The following YTHDF3 variants were observed in gnomAD, a reference collection of about 807,000 sequenced individuals.
YTHDF3 encodes YTH domain-containing family protein 3.
YTHDF3 carries 9 observed loss-of-function variants against 52.5 expected under a neutral mutation model. The ratio of observed to expected loss-of-function variants is 0.17; its 90% CI spans 0.10 to 0.30. YTHDF3 has a LOEUF of 0.30. Ranked by LOEUF, YTHDF3 falls within the 10% of genes least tolerant of loss-of-function variation. The pLI is 1.00. For missense variants in YTHDF3, 534 were observed against 715.0 expected (o/e 0.75, Z 2.89); for synonymous variants, 274 against 243.3 (o/e 1.13, Z -1.18).
chr8:63,175,389 G>T lies in YTHDF3; in HGVS notation c.108G>T (p.Glu36Asp). 1 of 1,611,938 alleles carries T rather than the reference G, an allele frequency of 6.2e-7. No individual in the cohort carries two copies. Among genetic ancestry groups the T allele is most frequent in the African/African-American group, 1.3e-5 (1 of 75,006 alleles). ...QKDAVNDDDF[E>D]PYLSSQTNQS... Reference sequence around the variant, plus strand: ...ATGCTGTAAATGATGATGATTTTGAGCCATACTTAAGTAGCCAGACAAATC... The same window carrying T: ...ATGCTGTAAATGATGATGATTTTGATCCATACTTAAGTAGCCAGACAAATC... The change falls in exon 3 of 5, where the codon GAG becomes GAT. Residue 36 changes from glutamate (E) to aspartate (D), a missense_variant. Around this residue, in one of 3 missense-constraint regions of YTHDF3, gnomAD observed 196 missense variants for 299.5 expected, o/e 0.65. Transcript: ENST00000539294.
At position 63,187,372 on chromosome 8, in the gene YTHDF3, C is replaced by G; in HGVS notation, c.1361C>G (p.Ser454Cys). Reference sequence around the variant, plus strand: ...AAGCGTTTGGATGCAGCTTACCGTTCCCTGAATGGGAAAGGCCCACTCTAT... The same window carrying G: ...AAGCGTTTGGATGCAGCTTACCGTTGCCTGAATGGGAAAGGCCCACTCTAT... ...GNKRLDAAYRSLNGKGPLYLL... is the reference protein window; with the variant it reads ...GNKRLDAAYRCLNGKGPLYLL... Residue 454 changes from serine (S) to cysteine (C), a missense_variant, in exon 4 of 5, where the codon TCC becomes TGC. This residue lies in a region of YTHDF3 where 135 missense variants were observed against 214.2 expected (regional missense o/e 0.63). Transcript: ENST00000539294. 7.4e-6 allele frequency: 12 copies of G among 1,613,976 alleles called. No homozygotes were observed. Among genetic ancestry groups the G allele is most frequent in the Non-Finnish European group, 9.3e-6 (11 of 1,179,892 alleles).
intron 4 of YTHDF3, among the ~76,000 whole-genome samples, chr8:63,202,977 C>T (rs1030681695): frequency 2.0e-5 from 3 of 152,054 alleles, no homozygotes; most frequent in Admixed American, 6.6e-5. Flanking sequence ...CACGGTGGCT[C>T]GTGCCTGTAA....
In YTHDF3 at chr8:63,173,202, T is replaced by TATATA. The variant is rs1554533375; in HGVS notation, c.50-2129_50-2128insATATA. On this transcript the variant is annotated intron_variant, in intron 2 of 4. Transcript: ENST00000539294. ...AAAAATAAGAATAACAGGATTATAT[T>TATATA]TATATATATATACAGATAAATTTTA... Among the ~76,000 whole-genome samples the TATATA allele has an allele frequency of 1.3e-3, 159 of 125,912 alleles. 7 individuals are homozygous for TATATA. Among genetic ancestry groups the TATATA allele is most frequent in the African/African-American group, 5.6e-3 (139 of 24,802 alleles). The allele number at this position is 125,912 out of a possible 152,430, so 82.6% of individuals were successfully genotyped here.
intron 3 of YTHDF3, among the ~76,000 whole-genome samples, chr8:63,180,354 G>A (rs866468684): frequency 4.6e-5 from 7 of 151,468 alleles, no homozygotes; most frequent in Admixed American, 3.3e-4. Context: ...GGGCAGAGAC[G>A]CTCCCCACAT....
At chr8:63,194,259 G>A (rs1809096424) in intron 4 of YTHDF3, among the ~76,000 whole-genome samples, 1 of 152,172 alleles carries the variant, frequency 6.6e-6, no homozygotes, top group East Asian at 1.9e-4. Flanking sequence ...CGATGCAGGA[G>A]GATCACCTGA....
chr8:63,182,425 CAG>C (rs1808204519), intron 3 of YTHDF3, among the ~76,000 whole-genome samples: 2 of 151,880 alleles, frequency 1.3e-5, no homozygotes, highest in African/African-American at 2.4e-5. Flanking sequence ...AAATAGGTGA[CAG>C]AGGCTGAATG....
At chr8:63,169,202 G>C (rs553424929) in intron 1 of YTHDF3, 185 bp from the exon 2 acceptor site, 1 of 1,344,506 alleles carries the variant, frequency 7.4e-7, no homozygotes, top group Non-Finnish European at 9.9e-7. Context: ...CGGATTCCGA[G>C]TGGCGGGTGG....
At chr8:63,201,198 G>A (rs184676809) in intron 4 of YTHDF3, among the ~76,000 whole-genome samples, 12 of 152,238 alleles carry the variant, frequency 7.9e-5, no homozygotes, top group African/African-American at 2.6e-4. Context: ...ATTGCAAAAA[G>A]TAAGAGAAAT....
At chr8:63,186,105 A>T (rs776558864) in intron 3 of YTHDF3, 42 bp from the exon 4 acceptor site, 1 of 1,539,512 alleles carries the variant, frequency 6.5e-7, no homozygotes, top group Admixed American at 2.0e-5. Flanking sequence ...TTGCTCTTTT[A>T]AGAGGACATT....
chr8:63,183,320 T>C (rs1014443458), intron 3 of YTHDF3, among the ~76,000 whole-genome samples: 2 of 152,220 alleles, frequency 1.3e-5, no homozygotes, highest in Non-Finnish European at 2.9e-5. Flanking sequence ...TTCTCATTTT[T>C]ATTAAACTTT....
intron 3 of YTHDF3, among the ~76,000 whole-genome samples, chr8:63,180,406 C>T (rs1291428190): frequency 6.6e-6 from 1 of 151,446 alleles, no homozygotes; most frequent in Non-Finnish European, 1.5e-5. Flanking sequence ...CCTCACTTCC[C>T]AGATGGGATG....
chr8:63,189,123 C>T (rs1309300821), intron 4 of YTHDF3: 2 of 151,870 alleles, frequency 1.3e-5, no homozygotes, highest in Admixed American at 6.6e-5. Context: ...TGTTATATAC[C>T]CTCTGTAAGA....
chr8:63,195,220 C>A (rs936733410), intron 4 of YTHDF3, among the ~76,000 whole-genome samples: 1 of 152,152 alleles, frequency 6.6e-6, no homozygotes, highest in African/African-American at 2.4e-5. Flanking sequence ...TATTTGAAAA[C>A]ATAATTTTGA....
Position 63,169,480 on chromosome 8 carries a change from G to T in YTHDF3, c.49+69G>T, listed in dbSNP as rs1005675511. On this transcript the variant is annotated intron_variant, in intron 2 of 4. Coordinates refer to ENST00000539294, the MANE Select transcript of YTHDF3 (RefSeq NM_152758.6). ...AATGTTACTTTTAAACTCTGTGAGG[G>T]TATTTTGTTTGTTTTTGCTCCCTCT... The T allele has an allele frequency of 5.3e-6, 8 of 1,503,812 alleles. No homozygotes were observed. In the East Asian group the frequency reaches 1.4e-4, roughly 27 times the overall value. 93.2% of individuals were successfully genotyped at this position (1,503,812 alleles called of 1,614,324 possible).
At chr8:63,205,547 C>G (rs576514993) in intron 4 of YTHDF3, among the ~76,000 whole-genome samples, 1 of 151,858 alleles carries the variant, frequency 6.6e-6, no homozygotes, top group South Asian at 2.1e-4. Context: ...AATTCTCCTG[C>G]TTCATCCTCC....
intron 3 of YTHDF3, among the ~76,000 whole-genome samples, chr8:63,179,237 T>A (rs182075387): frequency 2.9e-3 from 438 of 152,008 alleles, no homozygotes; most frequent in African/African-American, 3.3e-3. Flanking sequence ...TTTTTTTTTT[T>A]ATTGATCATT....
chr8:63,174,278 A>G lies in YTHDF3; in HGVS notation c.50-1053A>G, dbSNP rs140179067. On this transcript the variant is annotated intron_variant, in intron 2 of 4. Coordinates refer to ENST00000539294, the MANE Select transcript of YTHDF3 (RefSeq NM_152758.6). ...TATCTTCACTAGTATAGAATAGTAT[A>G]TTTACATAGTGCCACCTCATCAAGT... 7.6e-3 allele frequency among the ~76,000 whole-genome samples: 1,162 copies of G among 152,340 alleles called. 8 individuals carry two copies. The highest frequency in any genetic ancestry group is 0.01 in the Non-Finnish European group (685 of 68,022).
Position 63,168,814 on chromosome 8 carries a change from T to C in YTHDF3, c.-64T>C. ...TCGGCCAAGGGCGACAGCCAACTGC[T>C]GTGAGTGCACGGGGAGAGGCCCAGG... On this transcript the variant is annotated 5_prime_UTR_variant, in exon 1 of 5. Transcript: ENST00000539294. The C allele has an allele frequency of 6.5e-7, 1 of 1,550,038 alleles. No homozygotes were observed. Among genetic ancestry groups the C allele is most frequent in the Non-Finnish European group, 8.7e-7 (1 of 1,146,880 alleles).
At chr8:63,190,292 C>G (rs1324145544) in intron 4 of YTHDF3, among the ~76,000 whole-genome samples, 1 of 151,460 alleles carries the variant, frequency 6.6e-6, no homozygotes, top group East Asian at 1.9e-4. Flanking sequence ...AGATAATCAC[C>G]CTTCTGTGTC....
Sources: gnomAD v4.1 joint callset for allele counts (sites outside exome capture counted in the v4.1 genomes callset) on GRCh38, gnomAD v4.1.1 for gene constraint, gnomAD v4.1.1 regional missense constraint, MANE v1.5 for transcripts, NCBI Gene and HGNC (gene_info 2026-07-23, HGNC 2026-07-21) for gene names.